Variants in XPA observed in about 807,000 individuals in gnomAD.
The protein encoded by XPA is XPA, DNA damage recognition and repair factor, also known as DNA repair protein complementing XP-A cells.
A neutral mutation model predicts 35.7 loss-of-function variants in XPA; 27 were observed. The observed-to-expected ratio is 0.76, with a 90% CI of 0.56 to 1.04. The LOEUF is 1.04. Among genes scored for constraint, XPA ranks in the 50% least tolerant of loss-of-function variants. XPA has a pLI of 0.00. For missense variants in XPA, 354 were observed against 342.7 expected, an observed-to-expected ratio of 1.03 and a Z score of -0.26; for synonymous variants, 133 against 118.4, an observed-to-expected ratio of 1.12 and a Z score of -0.80.
intron 5 of XPA, 89 bp from the exon 6 acceptor site, chr9:97,675,676 A>G (rs1828341005): frequency 1.4e-6 from 2 of 1,449,758 alleles, no homozygotes; most frequent in African/African-American, 1.4e-5. Flanking sequence ...AGCCATGTAC[A>G]TGTGTGTGTG....
At chr9:97,661,596 T>A in the XPA span, among the ~76,000 whole-genome samples, 1 of 152,188 alleles carries the variant, frequency 6.6e-6, no homozygotes, top group African/African-American at 2.4e-5. Flanking sequence ...TTTGGGTATT[T>A]ATTACTGGGA....
the XPA span, chr9:97,669,838 C>T: frequency 1.5e-5 from 11 of 725,198 alleles, no homozygotes; most frequent in Admixed American, 6.0e-5. Context: ...TGTCCATTTG[C>T]TGCTACCATT....
rs995102466 is a variant in XPA, at chr9:97,697,317, C to G, written c.-25G>C. ...TCTCTGGCCCACTCCGAGGACCTAG[C>G]TCCCAGCTCCACGCACGCGCACTGC... is the stretch of plus-strand genomic sequence containing the variant. On this transcript the variant is annotated 5_prime_UTR_variant, in exon 1 of 6. Coordinates refer to ENST00000375128, the MANE Select transcript of XPA (RefSeq NM_000380.4). The G allele has an allele frequency of 8.0e-5, 127 of 1,596,578 alleles. No individual in the cohort carries two copies. The Admixed American group carries it at 2.0e-3, about 26-fold the overall frequency.
At chr9:97,660,881 A>G in the XPA span, 1 of 1,514,012 alleles carries the variant, frequency 6.6e-7, no homozygotes, top group East Asian at 2.3e-5. Context: ...CAGTTATTTA[A>G]CTGTTCATTA....
intron 2 of XPA, among the ~76,000 whole-genome samples, chr9:97,692,433 C>A (rs982383970): frequency 2.5e-4 from 38 of 152,208 alleles, no homozygotes; most frequent in African/African-American, 9.1e-4. Flanking sequence ...ACAAAAAAAT[C>A]ATGCTTTTTT....
chr9:97,689,579 G>A lies in XPA; in HGVS notation c.344C>T (p.Ser115Phe). 2 of 1,613,136 alleles carry A rather than the reference G, an allele frequency of 1.2e-6. No individual in the cohort carries two copies. Among genetic ancestry groups the A allele is most frequent in the African/African-American group, 2.7e-5 (2 of 74,992 alleles). ...CAAATCAAAGTGGTTCATAAGATAA[G>A]AATCCATAAATTCTTTCCCACATTC... is the stretch of plus-strand genomic sequence containing the variant. ...CEECGKEFMD[S>F]YLMNHFDLPT... The change falls in exon 3 of 6, where the codon TCT (serine) becomes TTT (phenylalanine). Residue 115 changes from serine to phenylalanine, a missense_variant. By Grantham distance (155) the Ser-to-Phe change is radical. Coordinates refer to ENST00000375128, the MANE Select transcript of XPA (RefSeq NM_000380.4).
rs563255358 is a variant in XPA, at chr9:97,688,995, A to G, written c.389+539T>C. Among the ~76,000 whole-genome samples, 4 of 152,324 alleles carry G rather than the reference A, an allele frequency of 2.6e-5. No homozygotes were observed. In the East Asian group the frequency reaches 7.7e-4, roughly 29 times the overall value. On this transcript the variant is annotated intron_variant, in intron 3 of 5. Coordinates refer to ENST00000375128, the MANE Select transcript of XPA (RefSeq NM_000380.4). Reference sequence around the variant, plus strand: ...ATAGGAGAACCACGTGAAGTGAGAAAGGTTATTCTGGGTGATATAAAAAAA... The same window carrying G: ...ATAGGAGAACCACGTGAAGTGAGAAGGGTTATTCTGGGTGATATAAAAAAA...
the XPA span, chr9:97,666,894 C>T: frequency 6.6e-7 from 1 of 1,505,778 alleles, no homozygotes; most frequent in African/African-American, 1.4e-5. Flanking sequence ...TTTGTGTAAA[C>T]TTGTAAGTAG....
chr9:97,666,619 G>T, the XPA span: 10 of 556,156 alleles, frequency 1.8e-5, no homozygotes, highest in Non-Finnish European at 3.1e-5. Context: ...CAATTTGTAA[G>T]TATTGCTGGA....
the XPA span, among the ~76,000 whole-genome samples, chr9:97,659,800 G>T: frequency 0.097 from 14,822 of 152,110 alleles, 1,984 homozygotes; most frequent in African/African-American, 0.29. Context: ...CTTTCTTTTT[G>T]CCCCATAGGA....
intron 4 of XPA, among the ~76,000 whole-genome samples, chr9:97,686,340 C>T (rs554373499): frequency 1.6e-4 from 24 of 152,258 alleles, no homozygotes; most frequent in Non-Finnish European, 2.4e-4. Flanking sequence ...AGTGGATCAC[C>T]GTCTTGGCAC....
At chr9:97,662,079 C>G in the XPA span, 1 of 1,613,838 alleles carries the variant, frequency 6.2e-7, no homozygotes, top group Non-Finnish European at 8.5e-7. Context: ...AAATAGAAGT[C>G]TTTGTACAGA....
At chr9:97,662,028 A>G in the XPA span, 1 of 1,592,674 alleles carries the variant, frequency 6.3e-7, no homozygotes, top group Non-Finnish European at 8.6e-7. Context: ...GTTTTACTAT[A>G]AAATATTTTT....
At chr9:97,658,048 T>C in the XPA span, among the ~76,000 whole-genome samples, 1 of 151,848 alleles carries the variant, frequency 6.6e-6, no homozygotes, top group Non-Finnish European at 1.5e-5. Flanking sequence ...TATTTATTCA[T>C]GGAGCCCTAG....
intron 2 of XPA, 111 bp from the exon 3 acceptor site, chr9:97,689,750 TAAGTA>T: frequency 1.6e-6 from 1 of 620,952 alleles, no homozygotes. Flanking sequence ...TAAATACATT[TAAGTA>T]AAAGACAAAA....
chr9:97,682,920 A>C (rs920481150), intron 5 of XPA, among the ~76,000 whole-genome samples: 6 of 152,350 alleles, frequency 3.9e-5, no homozygotes, highest in Admixed American at 3.3e-4. Context: ...GCATGTGATG[A>C]AATGGATGCC....
chr9:97,693,587 G>T, intron 2 of XPA, 62 bp downstream of exon 2: 1 of 1,356,068 alleles, frequency 7.4e-7, no homozygotes. Flanking sequence ...ACTTTGCATA[G>T]AATTATGCAT....
At chr9:97,671,064 A>C (rs1828176950), downstream of XPA, 1 of 1,502,980 alleles carries the variant, frequency 6.7e-7, no homozygotes. Context: ...TGACCTAACT[A>C]CCCCCTTTTG....
chr9:97,659,800 G>A, the XPA span, among the ~76,000 whole-genome samples: 2 of 152,030 alleles, frequency 1.3e-5, no homozygotes, highest in South Asian at 2.1e-4. Flanking sequence ...CTTTCTTTTT[G>A]CCCCATAGGA....
Sources: gnomAD v4.1 joint callset for allele counts (sites outside exome capture counted in the v4.1 genomes callset) on GRCh38, gnomAD v4.1.1 for gene constraint, MANE v1.5 for transcripts, NCBI Gene and HGNC (gene_info 2026-07-23, HGNC 2026-07-21) for gene names.